Variants in LUZP2 observed in about 807,000 individuals in gnomAD.
LUZP2 encodes leucine zipper protein 2.
Under a neutral mutation model 51.6 loss-of-function variants are expected in LUZP2, and 52 were observed. The ratio of observed to expected loss-of-function variants is 1.01; its 90% confidence interval spans 0.81 to 1.27. The LOEUF (loss-of-function observed/expected upper bound fraction) is 1.27. Ranked by LOEUF, LUZP2 falls within the 50% of genes most tolerant of loss-of-function variation. The pLI, the probability that LUZP2 is intolerant of heterozygous loss-of-function variation, is 0.00. For synonymous variants in LUZP2, 154 were observed against 137.3 expected (o/e 1.12, Z -0.85); for missense variants, 436 against 395.4 (o/e 1.10, Z -0.87).
At chr11:25,073,399 C>G (rs1350242850) in intron 10 of LUZP2, among the ~76,000 whole-genome samples, 1 of 152,122 alleles carries the variant, frequency 6.6e-6, no homozygotes, top group Non-Finnish European at 1.5e-5. Flanking sequence ...GTTTTCTTCT[C>G]CCTGTGTGGA....
chr11:24,991,900 C>A (rs964932931), intron 9 of LUZP2, among the ~76,000 whole-genome samples: 2 of 151,976 alleles, frequency 1.3e-5, no homozygotes, highest in Admixed American at 6.6e-5. Context: ...TCTTAGCCCA[C>A]TTTTTGATGG....
chr11:24,833,882 A>G (rs1590613514), intron 5 of LUZP2, among the ~76,000 whole-genome samples: 1 of 152,302 alleles, frequency 6.6e-6, no homozygotes, highest in African/African-American at 2.4e-5. Flanking sequence ...GAAGGTGGAG[A>G]CAGCTATTGT....
At chr11:24,839,066 G>A (rs1057077603) in intron 5 of LUZP2, among the ~76,000 whole-genome samples, 1 of 151,554 alleles carries the variant, frequency 6.6e-6, no homozygotes, top group Admixed American at 6.6e-5. Context: ...TCAAATTTAT[G>A]TATGAGGAAA....
chr11:24,979,993 T>C (rs1006876103), intron 8 of LUZP2, among the ~76,000 whole-genome samples: 2 of 151,786 alleles, frequency 1.3e-5, no homozygotes, highest in African/African-American at 4.8e-5. Flanking sequence ...ATTCTAGTCA[T>C]CCCACATACA....
chr11:24,613,455 A>G (rs1306487199), intron 1 of LUZP2, among the ~76,000 whole-genome samples: 1 of 152,140 alleles, frequency 6.6e-6, no homozygotes, highest in Non-Finnish European at 1.5e-5. Context: ...AATAATGAGC[A>G]TATGTAGTTA....
intron 5 of LUZP2, among the ~76,000 whole-genome samples, chr11:24,896,915 C>T (rs10834535): frequency 5.9e-5 from 9 of 151,912 alleles, no homozygotes; most frequent in South Asian, 2.1e-4. Flanking sequence ...TTTTATGTCT[C>T]GCTAAAGGAT....
chr11:24,594,062 A>G (rs1293551733), intron 1 of LUZP2, among the ~76,000 whole-genome samples: 1 of 152,214 alleles, frequency 6.6e-6, no homozygotes, highest in Non-Finnish European at 1.5e-5. Context: ...AAACAAGAAT[A>G]TATTTATCCT....
At chr11:24,924,716 A>G (rs567899772) in intron 7 of LUZP2, among the ~76,000 whole-genome samples, 13 of 152,176 alleles carry the variant, frequency 8.5e-5, no homozygotes, top group Non-Finnish European at 1.6e-4. Flanking sequence ...TATAATACAT[A>G]CATGTAAGAT....
intron 5 of LUZP2, among the ~76,000 whole-genome samples, chr11:24,820,481 G>C (rs1469106395): frequency 6.6e-6 from 1 of 152,130 alleles, no homozygotes; most frequent in Non-Finnish European, 1.5e-5. Flanking sequence ...AGGCAGTTCA[G>C]CATAAAGGAT....
chr11:24,584,015 C>A (rs1479314610), intron 1 of LUZP2, among the ~76,000 whole-genome samples: 2 of 151,936 alleles, frequency 1.3e-5, no homozygotes, highest in African/African-American at 4.8e-5. Context: ...CCTGACCTAC[C>A]TTGCTTTTAA....
intron 1 of LUZP2, among the ~76,000 whole-genome samples, chr11:24,725,282 T>C (rs1436763299): frequency 6.6e-6 from 1 of 151,996 alleles, no homozygotes; most frequent in Non-Finnish European, 1.5e-5. Flanking sequence ...TTTAAAAACA[T>C]TTAGAAAAAA....
intron 9 of LUZP2, among the ~76,000 whole-genome samples, chr11:25,047,071 A>T (rs1858335468): frequency 6.6e-6 from 1 of 152,200 alleles, no homozygotes; most frequent in Non-Finnish European, 1.5e-5. Context: ...GATTGTTTAG[A>T]AACAAAATAC....
chr11:24,641,737 T>C (rs543908706), intron 1 of LUZP2, among the ~76,000 whole-genome samples: 1 of 152,078 alleles, frequency 6.6e-6, no homozygotes, highest in East Asian at 1.9e-4. Context: ...CACAATGATT[T>C]ATCTTTGAAA....
chr11:24,819,404 T>A (rs756447809), intron 5 of LUZP2, among the ~76,000 whole-genome samples: 1 of 152,168 alleles, frequency 6.6e-6, no homozygotes. Flanking sequence ...TAGTAGACCT[T>A]TGAGTGAACA....
At chr11:24,569,169 G>T (rs1368546634) in intron 1 of LUZP2, among the ~76,000 whole-genome samples, 1 of 151,974 alleles carries the variant, frequency 6.6e-6, no homozygotes, top group Non-Finnish European at 1.5e-5. Context: ...GCCTGTTAAA[G>T]CATGATTAAG....
intron 5 of LUZP2, among the ~76,000 whole-genome samples, chr11:24,845,723 C>T (rs939939824): frequency 5.3e-5 from 8 of 151,436 alleles, no homozygotes; most frequent in African/African-American, 1.7e-4. Context: ...TTTTAAAAAA[C>T]AGGAGTTTTC....
At chr11:24,683,539 T>C (rs1406593121) in intron 1 of LUZP2, among the ~76,000 whole-genome samples, 1 of 152,248 alleles carries the variant, frequency 6.6e-6, no homozygotes, top group African/African-American at 2.4e-5. Context: ...TTTGCATAAT[T>C]TATTTTTCTT....
intron 9 of LUZP2, among the ~76,000 whole-genome samples, chr11:25,011,524 C>T (rs1259221229): frequency 2.6e-5 from 4 of 152,108 alleles, no homozygotes; most frequent in Non-Finnish European, 4.4e-5. Flanking sequence ...AATAGAAAAG[C>T]GAACATAAGG....
chr11:24,795,788 C>G (rs781628314), intron 5 of LUZP2, among the ~76,000 whole-genome samples: 15 of 152,074 alleles, frequency 9.9e-5, no homozygotes, highest in Non-Finnish European at 2.1e-4. Flanking sequence ...GATGATATGA[C>G]TTGCTATCAA....
Sources: allele counts gnomAD v4.1 joint callset (sites outside exome capture counted in the v4.1 genomes callset), GRCh38; gene constraint gnomAD v4.1.1; transcripts MANE v1.5; gene names NCBI Gene and HGNC (gene_info 2026-07-23, HGNC 2026-07-21).